SETBP1: variants seen among roughly 807,000 people sequenced by gnomAD.
SETBP1 encodes the protein SET binding protein 1, also known as SET-binding protein.
Under a neutral mutation model 101.0 loss-of-function variants are expected in SETBP1, and 9 were observed. The observed-to-expected ratio is 0.09, with a 90% CI of 0.05 to 0.16. SETBP1 has a LOEUF of 0.16. SETBP1 is among the 10% of genes least tolerant of loss of function. SETBP1 has a pLI of 1.00. For missense variants in SETBP1, 1,858 were observed against 2,033.8 expected (o/e 0.91, Z 1.66); for synonymous variants, 818 against 788.5 (o/e 1.04, Z -0.63).
At chr18:45,060,880 A>G (rs2073880266) in intron 5 of SETBP1, among the ~76,000 whole-genome samples, 1 of 152,226 alleles carries the variant, frequency 6.6e-6, no homozygotes, top group South Asian at 2.1e-4. Flanking sequence ...CAGCTCATGG[A>G]GTATTTCCAT....
chr18:44,915,742 C>T lies in SETBP1; in HGVS notation c.541-34139C>T, dbSNP rs145367897. ...AAGAGGCAAGTACAGGCACCTGCTA[C>T]GACTTACTGTGTGCCCTAGGCAAAG... On this transcript the variant is annotated intron_variant, in intron 3 of 5. Transcript: ENST00000649279. Among the ~76,000 whole-genome samples, 782 of 152,306 alleles carry T rather than the reference C, an allele frequency of 5.1e-3. 1 individual carries two copies. The highest frequency in any genetic ancestry group is 9.0e-3 in the Non-Finnish European group (611 of 68,016).
intron 3 of SETBP1, among the ~76,000 whole-genome samples, chr18:44,948,169 C>T (rs529240152): frequency 6.6e-6 from 1 of 152,262 alleles, no homozygotes; most frequent in African/African-American, 2.4e-5. Context: ...CTATAAGTTG[C>T]AAGATGAATT....
intron 4 of SETBP1, among the ~76,000 whole-genome samples, chr18:44,974,234 A>G (rs756019419): frequency 7.2e-5 from 11 of 152,216 alleles, no homozygotes; most frequent in Non-Finnish European, 1.3e-4. Flanking sequence ...GCCACATTTA[A>G]GTGGCATTGC....
chr18:44,711,889 G>A (rs188072280), intron 2 of SETBP1, among the ~76,000 whole-genome samples: 4 of 151,826 alleles, frequency 2.6e-5, no homozygotes, highest in Admixed American at 1.3e-4. Context: ...AGTGGATCTC[G>A]CCCTATGAAG....
intron 2 of SETBP1, among the ~76,000 whole-genome samples, chr18:44,827,917 A>G (rs2072270928): frequency 6.6e-6 from 1 of 152,184 alleles, no homozygotes; most frequent in South Asian, 2.1e-4. Flanking sequence ...AATATGGCCA[A>G]CCAGTGCCTA....
At chr18:44,931,362 T>C (rs1323113085) in intron 3 of SETBP1, among the ~76,000 whole-genome samples, 2 of 152,204 alleles carry the variant, frequency 1.3e-5, no homozygotes, top group Non-Finnish European at 2.9e-5. Flanking sequence ...CTTCCAACTG[T>C]GTGGTTAGTT....
chr18:44,920,699 C>T (rs564726022), intron 3 of SETBP1, among the ~76,000 whole-genome samples: 1 of 152,260 alleles, frequency 6.6e-6, no homozygotes, highest in South Asian at 2.1e-4. Flanking sequence ...CCAGTAGTGG[C>T]CACAACAGTC....
intron 4 of SETBP1, among the ~76,000 whole-genome samples, chr18:45,004,887 T>C (rs1019284767): frequency 4.6e-5 from 7 of 152,224 alleles, no homozygotes; most frequent in African/African-American, 1.7e-4. Flanking sequence ...TAAAACATCA[T>C]TAATTGACAT....
rs550324559 is a variant in SETBP1 at position 44,910,628 on chromosome 18, C to CT, written c.541-39251dup. 3.2e-4 allele frequency among the ~76,000 whole-genome samples: 49 copies of CT among 152,302 alleles called. 3 individuals are homozygous for CT. In the South Asian group the frequency reaches 8.9e-3, roughly 28 times the overall value. On this transcript the variant is annotated intron_variant, in intron 3 of 5. Transcript: ENST00000649279. ...CTCCATTATTGGAAGGCCTTAACATCTTCATGAGCAACCCTTTTCTTCCCC... is the reference window on the plus strand; with the variant it reads ...CTCCATTATTGGAAGGCCTTAACATCTTTCATGAGCAACCCTTTTCTTCCCC...
At chr18:45,027,569 A>T (rs895751135) in intron 4 of SETBP1, among the ~76,000 whole-genome samples, 1 of 152,200 alleles carries the variant, frequency 6.6e-6, no homozygotes, top group Non-Finnish European at 1.5e-5. Flanking sequence ...CTTTCTAGGA[A>T]TTAAAATCTT....
At chr18:44,979,537 A>G (rs912733282) in intron 4 of SETBP1, among the ~76,000 whole-genome samples, 1 of 152,242 alleles carries the variant, frequency 6.6e-6, no homozygotes, top group African/African-American at 2.4e-5. Flanking sequence ...GAAAGTGATC[A>G]CAAAGCTGTA....
At chr18:44,980,429 G>C (rs778135292) in intron 4 of SETBP1, among the ~76,000 whole-genome samples, 6 of 151,788 alleles carry the variant, frequency 4.0e-5, no homozygotes, top group Non-Finnish European at 5.9e-5. Flanking sequence ...TTAGAGGAAA[G>C]CTTAGAGGTC....
intron 2 of SETBP1, among the ~76,000 whole-genome samples, chr18:44,706,040 A>G (rs1417735718): frequency 6.6e-6 from 1 of 152,178 alleles, no homozygotes; most frequent in African/African-American, 2.4e-5. Flanking sequence ...GAGGTGTGAA[A>G]GCAGCATTTG....
chr18:44,766,258 G>T (rs185099509), intron 2 of SETBP1, among the ~76,000 whole-genome samples: 1 of 152,346 alleles, frequency 6.6e-6, no homozygotes, highest in Non-Finnish European at 1.5e-5. Context: ...GGGTCATGGG[G>T]CTTGGCTTCA....
chr18:44,770,148 A>C (rs1274779787), intron 2 of SETBP1, among the ~76,000 whole-genome samples: 1 of 152,258 alleles, frequency 6.6e-6, no homozygotes, highest in African/African-American at 2.4e-5. Context: ...TTTCTATTCG[A>C]ACTGAAATAT....
chr18:44,831,789 A>C (rs2072376419), intron 2 of SETBP1, among the ~76,000 whole-genome samples: 1 of 152,176 alleles, frequency 6.6e-6, no homozygotes, highest in Admixed American at 6.5e-5. Flanking sequence ...GAATTAAAAT[A>C]AATATTATTT....
intron 2 of SETBP1, among the ~76,000 whole-genome samples, chr18:44,714,642 G>A (rs139523352): frequency 6.4e-4 from 97 of 151,452 alleles, no homozygotes; most frequent in African/African-American, 1.8e-3. Flanking sequence ...ACGTGTGAGC[G>A]CTCTCCTATC....
chr18:44,750,661 A>G (rs2070361834), intron 2 of SETBP1, among the ~76,000 whole-genome samples: 1 of 152,192 alleles, frequency 6.6e-6, no homozygotes, highest in Non-Finnish European at 1.5e-5. Context: ...GCATTTAATC[A>G]TGCCAGACAC....
chr18:44,818,782 C>G (rs1294701816), intron 2 of SETBP1, among the ~76,000 whole-genome samples: 1 of 150,082 alleles, frequency 6.7e-6, no homozygotes, highest in Non-Finnish European at 1.5e-5. Context: ...CACACACACT[C>G]CTCACCATCA....
Sources: gnomAD v4.1 joint callset for allele counts (sites outside exome capture counted in the v4.1 genomes callset) on GRCh38, gnomAD v4.1.1 for gene constraint, MANE v1.5 for transcripts, NCBI Gene and HGNC (gene_info 2026-07-23, HGNC 2026-07-21) for gene names.